Variants in DNAJC6 observed in about 807,000 individuals in gnomAD.
DNAJC6 encodes DnaJ heat shock protein family (Hsp40) member C6, also known as auxilin.
A neutral mutation model predicts 110.0 loss-of-function variants in DNAJC6; 34 were observed. That is an observed-to-expected ratio of 0.31 (90% CI 0.24 to 0.41). The LOEUF (loss-of-function observed/expected upper bound fraction) is 0.41. DNAJC6 is among the 10% of genes least tolerant of loss of function. DNAJC6 has a pLI of 1.00. For synonymous variants in DNAJC6, 406 were observed against 437.2 expected (o/e 0.93, Z 0.89); for missense variants, 1,031 against 1,207.8 (o/e 0.85, Z 2.17).
At chr1:65,291,119 G>A (rs567196581) in intron 1 of DNAJC6, among the ~76,000 whole-genome samples, 64 of 152,292 alleles carry the variant, frequency 4.2e-4, no homozygotes, top group Middle Eastern at 6.8e-3. Flanking sequence ...TGCAACGACC[G>A]CCTCCTGGGT....
chr1:65,305,330 C>A (rs903901426), upstream of DNAJC6, among the ~76,000 whole-genome samples: 1 of 152,152 alleles, frequency 6.6e-6, no homozygotes, highest in African/African-American at 2.4e-5. Context: ...CATTTATAAT[C>A]AGGACACACA....
At chr1:65,408,086 A>G (rs752414482) in intron 16 of DNAJC6, among the ~76,000 whole-genome samples, 5 of 152,244 alleles carry the variant, frequency 3.3e-5, no homozygotes, top group Admixed American at 6.5e-5. Context: ...AGATTACATC[A>G]CTAATAAGTG....
At chr1:65,351,100 A>G (rs1645486749) in intron 1 of DNAJC6, among the ~76,000 whole-genome samples, 1 of 151,988 alleles carries the variant, frequency 6.6e-6, no homozygotes, top group Non-Finnish European at 1.5e-5. Context: ...TAGTTTTTGT[A>G]TTTTGATCCC....
intron 1 of DNAJC6, among the ~76,000 whole-genome samples, chr1:65,314,055 T>G (rs926065283): frequency 6.6e-6 from 1 of 152,166 alleles, no homozygotes; most frequent in Non-Finnish European, 1.5e-5. Context: ...GTAGTCCAAT[T>G]AAAATCTGGA....
intron 1 of DNAJC6, among the ~76,000 whole-genome samples, chr1:65,302,116 A>AATACGTATTATATATATTTAT (rs1185567041): frequency 6.4e-5 from 3 of 46,668 alleles, no homozygotes; most frequent in Non-Finnish European, 3.1e-5. Flanking sequence ...TAATATATAT[A>AATACGTATTATATATATTTAT]TATATATAAA....
In DNAJC6 at chr1:65,270,628, G is replaced by A. The variant is rs376768893; in HGVS notation, c.-131+5696G>A. On this transcript the variant is annotated intron_variant, in intron 1 of 19. Transcript: ENST00000263441. ...ATCTCTAAAAGTGATGTTACTGGTC[G>A]TTGATTATTTTTATGCTATTGTTAC... 7.9e-5 allele frequency among the ~76,000 whole-genome samples: 12 copies of A among 152,206 alleles called. No homozygotes were observed. The East Asian group carries it at 9.6e-4, about 12-fold the overall frequency.
chr1:65,271,993 C>T (rs75826019), intron 1 of DNAJC6, among the ~76,000 whole-genome samples: 35 of 152,114 alleles, frequency 2.3e-4, no homozygotes, highest in South Asian at 8.3e-4. Flanking sequence ...CTATGTAGAC[C>T]GTTTATTTTT....
chr1:65,272,758 T>C (rs1653548783), intron 1 of DNAJC6, among the ~76,000 whole-genome samples: 2 of 152,352 alleles, frequency 1.3e-5, no homozygotes, highest in Admixed American at 6.5e-5. Context: ...CAGGCTGATC[T>C]TGAACTCCTG....
chr1:65,367,873 ATTTTTTT>A (rs67626971), intron 4 of DNAJC6, among the ~76,000 whole-genome samples: 3 of 136,938 alleles, frequency 2.2e-5, no homozygotes, highest in African/African-American at 5.2e-5. Flanking sequence ...AGGAGGGAGC[ATTTTTTT>A]TTTTTTTTTT....
At chr1:65,279,175 A>T in intron 1 of DNAJC6, 3 of 985,204 alleles carry the variant, frequency 3.0e-6, no homozygotes, top group Non-Finnish European at 3.6e-6. Context: ...GTGTGGTTTA[A>T]ATTTAGAATA....
rs1372447383 is a variant in DNAJC6 at position 65,378,293 on chromosome 1, CTG to C, written c.544-1107_544-1106del. Among the ~76,000 whole-genome samples, 9 of 152,298 alleles carry C rather than the reference CTG, an allele frequency of 5.9e-5. No individual in the cohort carries two copies. In the East Asian group the frequency reaches 1.3e-3, roughly 23 times the overall value. On this transcript the variant is annotated intron_variant, in intron 4 of 18. Transcript: ENST00000371069. ...AGAGTCATTCTCCTCCTTAACAAGACTGTATAATCTGGCCCTTCAGTCTACAC... is the reference window on the plus strand; with the variant it reads ...AGAGTCATTCTCCTCCTTAACAAGACTATAATCTGGCCCTTCAGTCTACAC...
At chr1:65,387,041 G>A in intron 8 of DNAJC6, 112 bp downstream of exon 8, 1 of 886,320 alleles carries the variant, frequency 1.1e-6, no homozygotes, top group Admixed American at 2.0e-5. Flanking sequence ...GTTTTAGAAT[G>A]AAAAAGAGCG....
chr1:65,392,104 G>T (rs895834329), intron 11 of DNAJC6, among the ~76,000 whole-genome samples: 1 of 152,132 alleles, frequency 6.6e-6, no homozygotes, highest in Non-Finnish European at 1.5e-5. Flanking sequence ...TCCCCACTTT[G>T]CTGAGGAGGA....
chr1:65,318,305 A>G (rs1553138300), intron 1 of DNAJC6, among the ~76,000 whole-genome samples: 1 of 148,740 alleles, frequency 6.7e-6, no homozygotes, highest in Non-Finnish European at 1.5e-5. Flanking sequence ...ATTAAAATAT[A>G]TGTTTTTTTT....
chr1:65,387,024 A>T (rs921992617), intron 8 of DNAJC6, 95 bp downstream of exon 8: 2 of 1,042,596 alleles, frequency 1.9e-6, no homozygotes, highest in Non-Finnish European at 1.5e-6. Context: ...GGCTTGAGTC[A>T]CTTGTAGTTT....
chr1:65,338,144 A>T (rs1463701470), intron 1 of DNAJC6, among the ~76,000 whole-genome samples: 2 of 152,012 alleles, frequency 1.3e-5, no homozygotes, highest in Non-Finnish European at 2.9e-5. Flanking sequence ...TTTTGTGTCT[A>T]GGCCTTCTCA....
intron 1 of DNAJC6, among the ~76,000 whole-genome samples, chr1:65,343,400 A>G (rs553018386): frequency 2.0e-5 from 3 of 152,314 alleles, no homozygotes; most frequent in African/African-American, 7.2e-5. Flanking sequence ...TGCCAACTGC[A>G]GTCTGAAAGT....
intron 4 of DNAJC6, among the ~76,000 whole-genome samples, chr1:65,378,693 A>G (rs937802428): frequency 1.3e-5 from 2 of 152,224 alleles, no homozygotes; most frequent in African/African-American, 4.8e-5. Flanking sequence ...TTATATTCAG[A>G]AGATCTGGGC....
chr1:65,370,431 A>G (rs1485499435), intron 4 of DNAJC6, among the ~76,000 whole-genome samples: 1 of 152,220 alleles, frequency 6.6e-6, no homozygotes. Context: ...ATGCGTGTAT[A>G]CACTGGTTTG....
Sources: allele counts gnomAD v4.1 joint callset (sites outside exome capture counted in the v4.1 genomes callset), GRCh38; gene constraint gnomAD v4.1.1; transcripts MANE v1.5; gene names NCBI Gene and HGNC (gene_info 2026-07-23, HGNC 2026-07-21).